EXD3: variants seen among roughly 807,000 people sequenced by gnomAD.
The protein encoded by EXD3 is exonuclease 3'-5' domain containing 3, also known as exonuclease mut-7 homolog.
In EXD3, 92 loss-of-function variants were observed where a neutral mutation model predicts 98.0. The ratio of observed to expected loss-of-function variants is 0.94; its 90% CI spans 0.79 to 1.12. The LOEUF (loss-of-function observed/expected upper bound fraction) is 1.12, where lower values mean the gene tolerates loss of function less well. Among genes scored for constraint, EXD3 ranks in the 50% most tolerant of loss-of-function variants. The pLI, the probability that EXD3 is intolerant of heterozygous loss-of-function variation, is 0.00. For missense variants in EXD3, 1,222 were observed against 1,191.6 expected (o/e 1.03, Z -0.38); for synonymous variants, 569 against 526.0 (o/e 1.08, Z -1.12).
intron 3 of EXD3, among the ~76,000 whole-genome samples, chr9:137,379,813 G>C (rs970539569): frequency 1.3e-5 from 2 of 151,934 alleles, no homozygotes; most frequent in Admixed American, 1.3e-4. Context: ...ACCACAGCCC[G>C]CCTTCCCTCA....
rs1427821168 is a variant in EXD3, at chr9:137,351,322, C to T, written c.1380G>A (p.Lys460=). The T allele has an allele frequency of 6.8e-6, 11 of 1,611,140 alleles. No homozygotes were observed. The South Asian group carries it at 1.2e-4, about 18-fold the overall frequency. ...AQLLSDPSIT[K]LGYGMVGDLQ... The stretch of plus-strand genomic sequence containing the variant: ...GGGCCCCAGGGCTTCACTCACCCAG[C>T]TTGGTGATAGAGGGGTCCGAGAGGA... The change falls in exon 13 of 22, where the codon AAG becomes AAA. Residue 460 remains lysine (K), a synonymous_variant. Transcript: ENST00000340951.
intron 1 of EXD3, among the ~76,000 whole-genome samples, chr9:137,406,190 T>C (rs1293496611): frequency 7.3e-6 from 1 of 136,710 alleles, no homozygotes; most frequent in South Asian, 2.2e-4. Flanking sequence ...CATTCTAGCC[T>C]GGGTGACAGA....
Position 137,354,385 on chromosome 9 carries a change from G to A in EXD3, c.832-8C>T. ...CTCCTGTGACAGGCTCTTCTGCAAA[G>A]GCAAACAGGAAGGGGCGGTTGCCAG... is the stretch of plus-strand genomic sequence containing the variant. On this transcript the variant is annotated splice_region_variant and splice_polypyrimidine_tract_variant and intron_variant, in intron 9 of 21. Transcript: ENST00000340951. 1 of 1,612,408 alleles carries A rather than the reference G, an allele frequency of 6.2e-7. No homozygotes were observed.
intron 1 of EXD3, among the ~76,000 whole-genome samples, chr9:137,410,069 G>A (rs1314390420): frequency 3.3e-5 from 5 of 151,976 alleles, no homozygotes; most frequent in Admixed American, 6.6e-5. Flanking sequence ...CCAGCTACTC[G>A]GGACGTTGAG....
chr9:137,409,827 C>A (rs979784060), intron 1 of EXD3, among the ~76,000 whole-genome samples: 13 of 152,228 alleles, frequency 8.5e-5, no homozygotes, highest in African/African-American at 3.1e-4. Flanking sequence ...AAGCGGGGCT[C>A]CCCAGCTCCC....
At chr9:137,314,765 T>C (rs1359407865) in intron 19 of EXD3, among the ~76,000 whole-genome samples, 1 of 152,118 alleles carries the variant, frequency 6.6e-6, no homozygotes, top group Non-Finnish European at 1.5e-5. Context: ...AGAAGGTCCC[T>C]GGGGGTCGGG....
intron 17 of EXD3, among the ~76,000 whole-genome samples, chr9:137,346,873 G>T (rs1332273502): frequency 5.3e-5 from 8 of 152,120 alleles, no homozygotes; most frequent in Admixed American, 4.6e-4. Context: ...GAGTGCAGTG[G>T]TGCGATCTCC....
chr9:137,372,790 G>A (rs1040952172), intron 5 of EXD3, 115 bp downstream of exon 5: 1 of 1,128,000 alleles, frequency 8.9e-7, no homozygotes, highest in African/African-American at 1.5e-5. Context: ...ATACCTCCAT[G>A]TAGACCAGAA....
intron 18 of EXD3, 53 bp from the exon 19 acceptor site, chr9:137,323,909 C>T (rs1436130974): frequency 6.4e-7 from 1 of 1,551,652 alleles, no homozygotes; most frequent in Non-Finnish European, 8.7e-7. Context: ...CAGCACCTGC[C>T]CAGGCCCAGC....
chr9:137,351,478 A>G lies in EXD3; in HGVS notation c.1224T>C (p.Ala408=). 1 of 1,599,762 alleles carries G rather than the reference A, an allele frequency of 6.3e-7. No homozygotes were observed. Among genetic ancestry groups the G allele is most frequent in the Non-Finnish European group, 8.5e-7 (1 of 1,174,614 alleles). Residue 408 remains alanine (A), a synonymous_variant, in exon 13 of 22, where the codon GCT becomes GCC. Coordinates refer to ENST00000340951, the MANE Select transcript of EXD3 (RefSeq NM_017820.5). ...VDVEWTPVFV[A]GGRPRPSLLQ... is the part of the protein sequence containing the mutation. Reference sequence around the variant, plus strand: ...GGAGTGACGGCCGAGGCCGGCCCCCAGCAACAAACACAGGTGTCCACTCCA... The same window carrying G: ...GGAGTGACGGCCGAGGCCGGCCCCCGGCAACAAACACAGGTGTCCACTCCA...
In EXD3 at chr9:137,373,487, G is replaced by T; in HGVS notation, c.233C>A (p.Ala78Asp). 1.2e-6 allele frequency: 2 copies of T among 1,608,990 alleles called. No homozygotes were observed. Among genetic ancestry groups the T allele is most frequent in the Non-Finnish European group, 1.7e-6 (2 of 1,178,656 alleles). Residue 78 changes from alanine to aspartate, a missense_variant, in exon 4 of 22, where the codon GCC (alanine) becomes GAC (aspartate). By Grantham distance (126) the Ala-to-Asp change is moderately radical. Transcript: ENST00000340951. Reference sequence around the variant, plus strand: ...GCACTGCAGCTGGTGGGAGATCCAGGCCGCCAGGGAGGGGCCCTCTCCCCG... The same window carrying T: ...GCACTGCAGCTGGTGGGAGATCCAGTCCGCCAGGGAGGGGCCCTCTCCCCG... The part of the protein sequence containing the change: ...GQRGEGPSLA[A>D]WISHQLQCWL...
chr9:137,320,423 C>G (rs79646646), intron 19 of EXD3, among the ~76,000 whole-genome samples: 3,121 of 152,318 alleles, frequency 0.02, 106 homozygotes, highest in East Asian at 0.16. Flanking sequence ...GCTGGCCCCC[C>G]ACGGGGGTGC....
intron 3 of EXD3, among the ~76,000 whole-genome samples, chr9:137,379,191 G>A (rs1310288599): frequency 2.3e-4 from 22 of 96,366 alleles, no homozygotes; most frequent in South Asian, 8.5e-4. Context: ...GAATGGGGGC[G>A]TCTGTGTGAG....
rs1051084761 is a variant in EXD3, at chr9:137,330,228, C to A, written c.1999-6085G>T. On this transcript the variant is annotated intron_variant, in intron 17 of 21. Transcript: ENST00000340951. ...CTACACAGGAGCTACACAGGAACTA[C>A]ACAGGACTACACAGGAGCTACACAG... Among the ~76,000 whole-genome samples the A allele has an allele frequency of 6.5e-5, 9 of 138,948 alleles. 2 individuals are homozygous for A. The highest frequency in any genetic ancestry group is 2.5e-4 in the African/African-American group (9 of 35,404). The allele number at this position is 138,948 out of a possible 152,430, so 91.2% of individuals were successfully genotyped here. A position where few individuals can be genotyped will look rare whatever the true frequency, so the allele number is the denominator to read the frequency against.
chr9:137,375,564 G>A (rs1038620526), intron 3 of EXD3, among the ~76,000 whole-genome samples: 13 of 150,774 alleles, frequency 8.6e-5, no homozygotes, highest in South Asian at 2.1e-4. Flanking sequence ...GAGTCCTAGC[G>A]CTGGCAAGTT....
At position 137,307,597 on chromosome 9, in the gene EXD3, C is replaced by T. The variant is rs774732162; in HGVS notation, c.2317+11G>A. 1 of 1,609,564 alleles carries T rather than the reference C, an allele frequency of 6.2e-7. No homozygotes were observed. The highest frequency in any genetic ancestry group is 1.1e-5 in the South Asian group (1 of 90,996). On this transcript the variant is annotated intron_variant, in intron 21 of 21. Coordinates refer to ENST00000340951, the MANE Select transcript of EXD3 (RefSeq NM_017820.5). ...GCAGCTGTGTCCTTGGTGGGCGGTC[C>T]CGGGGCTCACCTGGCTCCTGCACCG...
At chr9:137,397,674 G>A (rs1258810833) in intron 1 of EXD3, among the ~76,000 whole-genome samples, 2 of 152,220 alleles carry the variant, frequency 1.3e-5, no homozygotes, top group African/African-American at 2.4e-5. Flanking sequence ...CAGAAAACAT[G>A]TTCAAACAGT....
intron 7 of EXD3, among the ~76,000 whole-genome samples, chr9:137,363,036 C>T (rs1835062993): frequency 6.6e-6 from 1 of 151,834 alleles, no homozygotes; most frequent in Admixed American, 6.6e-5. Context: ...GTCTTGAACT[C>T]CTGACCTCAG....
chr9:137,355,499 A>AGGAGGAAGGAGGACGGAGGAAGGAGGAT, intron 8 of EXD3, among the ~76,000 whole-genome samples: 1 of 27,726 alleles, frequency 3.6e-5, no homozygotes, highest in Non-Finnish European at 8.4e-5. Flanking sequence ...GGATGGAGGA[A>AGGAGGAAGGAGGACGGAGGAAGGAGGAT]GGAGGAAGGA....
Sources: gnomAD v4.1 joint callset for allele counts (sites outside exome capture counted in the v4.1 genomes callset) on GRCh38, gnomAD v4.1.1 for gene constraint, MANE v1.5 for transcripts, NCBI Gene and HGNC (gene_info 2026-07-23, HGNC 2026-07-21) for gene names.